Variants in SLCO3A1 observed in about 807,000 individuals in gnomAD.
The protein encoded by SLCO3A1 is PGE1 transporter.
A neutral mutation model predicts 63.1 loss-of-function variants in SLCO3A1; 27 were observed. That is an observed-to-expected ratio of 0.43 (90% CI 0.32 to 0.59). The LOEUF (loss-of-function observed/expected upper bound fraction) is 0.59, where lower values mean the gene tolerates loss of function less well. SLCO3A1 is among the 20% of genes least tolerant of loss of function. The pLI is 0.09. For missense variants in SLCO3A1, 773 were observed against 945.8 expected (o/e 0.82, Z 2.40); for synonymous variants, 473 against 409.9 (o/e 1.15, Z -1.86).
chr15:92,165,215 G>A lies in SLCO3A1; in HGVS notation c.*2080G>A, dbSNP rs545131147. On this transcript the variant is annotated 3_prime_UTR_variant, in exon 10 of 10. Transcript: ENST00000318445. ...CAGCTACCTGGGGCAGGATGCTTCT[G>A]AGACAGGCCTTTCAACTGCTTAGTG... The A allele has an allele frequency of 9.1e-6, 9 of 985,296 alleles. No homozygotes were observed. Among genetic ancestry groups the A allele is most frequent in the African/African-American group, 1.7e-5 (1 of 57,216 alleles). The allele number at this position is 985,296 out of a possible 1,614,324, so 61.0% of individuals were successfully genotyped here.
At chr15:92,044,780 C>A (rs1313352938) in intron 2 of SLCO3A1, among the ~76,000 whole-genome samples, 2 of 152,100 alleles carry the variant, frequency 1.3e-5, no homozygotes, top group Non-Finnish European at 2.9e-5. Flanking sequence ...CAAAGTGCCA[C>A]CCGATCTGTC....
Position 92,016,251 on chromosome 15 carries a change from A to AGATAGATGATAGATAGATTGATT in SLCO3A1, c.647-78627_647-78626insAGATGATAGATAGATTGATTGAT, listed in dbSNP as rs1416143953. Among the ~76,000 whole-genome samples, 311 of 52,190 alleles carry AGATAGATGATAGATAGATTGATT rather than the reference A, an allele frequency of 6.0e-3. 2 individuals are homozygous for AGATAGATGATAGATAGATTGATT. Among genetic ancestry groups the AGATAGATGATAGATAGATTGATT allele is most frequent in the African/African-American group, 0.037 (293 of 8,006 alleles). The allele number at this position is 52,190 out of a possible 152,430, so 34.2% of individuals were successfully genotyped here. ...TAGATAGATAGATAGATAGATAGAT[A>AGATAGATGATAGATAGATTGATT]GATTAGATAGATAGATAGATAGATA... On this transcript the variant is annotated intron_variant, in intron 2 of 9. Transcript: ENST00000318445.
At chr15:92,132,619 G>GA (rs11384036) in intron 7 of SLCO3A1, among the ~76,000 whole-genome samples, 134,561 of 136,554 alleles carry the variant, frequency 0.99, 66,408 homozygotes, top group East Asian at 1. Context: ...TAATTGAATA[G>GA]AAAAAAAAAA....
chr15:92,165,177 G>C lies in SLCO3A1; in HGVS notation c.*2042G>C. The C allele has an allele frequency of 1.0e-6, 1 of 985,370 alleles. No individual in the cohort carries two copies. The highest frequency in any genetic ancestry group is 1.2e-6 in the Non-Finnish European group (1 of 829,926). 61.0% of individuals were successfully genotyped at this position (985,370 alleles called of 1,614,324 possible). On this transcript the variant is annotated 3_prime_UTR_variant, in exon 10 of 10. Transcript: ENST00000318445. ...AAAAGAAAAGCTGTGTCGTGGTATG[G>C]GGCCACCGTGATCAGCTACCTGGGG...
intron 4 of SLCO3A1, among the ~76,000 whole-genome samples, chr15:92,109,133 T>C (rs971942097): frequency 6.6e-6 from 1 of 152,096 alleles, no homozygotes; most frequent in South Asian, 2.1e-4. Context: ...TAGCAGGTAA[T>C]GATTGTTTTT....
chr15:92,082,895 T>G (rs1286333567), intron 2 of SLCO3A1, among the ~76,000 whole-genome samples: 1 of 152,228 alleles, frequency 6.6e-6, no homozygotes, highest in African/African-American at 2.4e-5. Context: ...ATGTACAAGC[T>G]GTGTGACCTT....
chr15:91,868,969 G>T (rs944129731), intron 1 of SLCO3A1, among the ~76,000 whole-genome samples: 2 of 152,094 alleles, frequency 1.3e-5, no homozygotes, highest in African/African-American at 4.8e-5. Context: ...TATTCATCAT[G>T]AAGAAAAGTT....
intron 2 of SLCO3A1, among the ~76,000 whole-genome samples, chr15:92,065,839 T>C (rs2047144508): frequency 6.6e-6 from 1 of 152,196 alleles, no homozygotes; most frequent in Non-Finnish European, 1.5e-5. Flanking sequence ...TATTCCTGGT[T>C]TAAAGTGGAG....
chr15:92,011,010 A>G (rs1321384367), intron 2 of SLCO3A1, among the ~76,000 whole-genome samples: 3 of 152,198 alleles, frequency 2.0e-5, no homozygotes, highest in African/African-American at 7.2e-5. Flanking sequence ...GCTAAAACCC[A>G]AGTCAGATCA....
At chr15:92,059,380 G>C (rs1053949311) in intron 2 of SLCO3A1, among the ~76,000 whole-genome samples, 1 of 152,156 alleles carries the variant, frequency 6.6e-6, no homozygotes, top group South Asian at 2.1e-4. Flanking sequence ...CTTTGCAACC[G>C]GGGCACACAC....
chr15:91,892,454 A>G (rs1897894650), intron 1 of SLCO3A1, among the ~76,000 whole-genome samples: 1 of 152,216 alleles, frequency 6.6e-6, no homozygotes, highest in South Asian at 2.1e-4. Context: ...ACCTGTGAAC[A>G]AGGTAACTGG....
chr15:92,160,224 T>A (rs1409268009), intron 9 of SLCO3A1, among the ~76,000 whole-genome samples: 1 of 152,152 alleles, frequency 6.6e-6, no homozygotes, highest in Non-Finnish European at 1.5e-5. Context: ...TGCCCTGCTG[T>A]GCCACAGAAA....
In SLCO3A1 at chr15:91,862,060, C is replaced by A. The variant is rs1897061166; in HGVS notation, c.180+7972C>A. ...CCCTGCCATGACTTTTCAGTACTCTCCTTTTCATGGACGTAATAGTCCAAG... is the reference window on the plus strand; with the variant it reads ...CCCTGCCATGACTTTTCAGTACTCTACTTTTCATGGACGTAATAGTCCAAG... On this transcript the variant is annotated intron_variant, in intron 1 of 9. Transcript: ENST00000318445. This position sits in a 1 kb window ranked among gnomAD's most constrained non-coding sequence, Gnocchi z 4.0. Among the ~76,000 whole-genome samples, 1 of 152,180 alleles carries A rather than the reference C, an allele frequency of 6.6e-6. No homozygotes were observed. Among genetic ancestry groups the A allele is most frequent in the Admixed American group, 6.5e-5 (1 of 15,282 alleles).
intron 1 of SLCO3A1, among the ~76,000 whole-genome samples, chr15:91,909,060 C>CAAACAAAACA (rs532563444): frequency 6.6e-6 from 1 of 152,156 alleles, no homozygotes; most frequent in Non-Finnish European, 1.5e-5. Context: ...GACTCTGTCT[C>CAAACAAAACA]AAACAAAACA....
rs1306164273 is a variant in SLCO3A1 at position 91,882,898 on chromosome 15, G to A, written c.180+28810G>A. ...CCTCATCAAGATTTCCTTGCAATTA[G>A]GTATCACCTTGGTGTCCCAAAGAGA... On this transcript the variant is annotated intron_variant, in intron 1 of 9. Transcript: ENST00000318445. The surrounding 1 kb of genome is among the most constrained non-coding windows in gnomAD (Gnocchi z 4.4). Among the ~76,000 whole-genome samples the A allele has an allele frequency of 0.014, 1 of 70 alleles. No homozygotes were observed. Among genetic ancestry groups the A allele is most frequent in the African/African-American group, 0.083 (1 of 12 alleles). The allele number at this position is 70 out of a possible 152,430, so 0.0% of individuals were successfully genotyped here.
At chr15:91,965,039 G>C (rs1465958044) in intron 2 of SLCO3A1, among the ~76,000 whole-genome samples, 1 of 152,106 alleles carries the variant, frequency 6.6e-6, no homozygotes, top group Non-Finnish European at 1.5e-5. Flanking sequence ...GAGGTACTGG[G>C]GACCTCAGCT....
intron 4 of SLCO3A1, among the ~76,000 whole-genome samples, chr15:92,112,882 A>T (rs1422890248): frequency 6.6e-6 from 1 of 152,154 alleles, no homozygotes; most frequent in African/African-American, 2.4e-5. Flanking sequence ...TGTTTCTTTT[A>T]TGAATGTCAG....
chr15:92,080,910 A>G (rs1353501514), intron 2 of SLCO3A1, among the ~76,000 whole-genome samples: 1 of 142,016 alleles, frequency 7.0e-6, no homozygotes, highest in African/African-American at 2.6e-5. Flanking sequence ...GAAGGTAGGT[A>G]TTTTTCATTT....
intron 2 of SLCO3A1, among the ~76,000 whole-genome samples, chr15:91,955,386 G>A (rs1900137915): frequency 6.6e-6 from 1 of 151,022 alleles, no homozygotes; most frequent in Admixed American, 6.6e-5. Flanking sequence ...AGGCTAGAGT[G>A]CAATGGCGTG....
Sources: gnomAD v4.1 joint callset for allele counts (sites outside exome capture counted in the v4.1 genomes callset) on GRCh38, gnomAD v4.1.1 for gene constraint, Gnocchi (gnomAD v3.1) non-coding constraint, MANE v1.5 for transcripts, NCBI Gene and HGNC (gene_info 2026-07-23, HGNC 2026-07-21) for gene names.